Variants in ETV5 observed in about 807,000 individuals in gnomAD.
The protein encoded by ETV5 is ETS variant transcription factor 5.
In ETV5, 10 loss-of-function variants were observed where a neutral mutation model predicts 70.0. That is an observed-to-expected ratio of 0.14 (90% CI 0.09 to 0.24). The LOEUF (loss-of-function observed/expected upper bound fraction) is 0.24, where lower values mean the gene tolerates loss of function less well. Ranked by LOEUF, ETV5 falls within the 10% of genes least tolerant of loss-of-function variation. The pLI is 1.00. For missense variants in ETV5, 453 were observed against 651.2 expected (o/e 0.70, Z 3.31); for synonymous variants, 216 against 242.2 (o/e 0.89, Z 1.01).
chr3:186,080,899 A>T, intron 6 of ETV5, 147 bp downstream of exon 6: 1 of 931,146 alleles, frequency 1.1e-6, no homozygotes, highest in Non-Finnish European at 1.6e-6. Flanking sequence ...ACTGGACTAC[A>T]CCCGGAGGAT....
At chr3:186,061,780 A>C (rs759063727) in intron 9 of ETV5, among the ~76,000 whole-genome samples, 5 of 152,198 alleles carry the variant, frequency 3.3e-5, no homozygotes, top group Non-Finnish European at 5.9e-5. Flanking sequence ...CCTTTCCATC[A>C]AATGAGCCCA....
rs761369510 is a variant in ETV5 at position 186,052,363 on chromosome 3, T to C, written c.1210-232A>G. Among the ~76,000 whole-genome samples the C allele has an allele frequency of 1.9e-4, 29 of 152,216 alleles. No homozygotes were observed. The highest frequency in any genetic ancestry group is 3.2e-4 in the Non-Finnish European group (22 of 68,036). On this transcript the variant is annotated intron_variant, in intron 11 of 12. Coordinates refer to ENST00000306376, the MANE Select transcript of ETV5 (RefSeq NM_004454.3). The surrounding 1 kb of genome is among the most constrained non-coding windows in gnomAD (Gnocchi z 4.5). ...TAGAGATGGAAGAATCCTAGCACTT[T>C]AAGATTGCAGAGGGCTTGGCTAACA... is the stretch of plus-strand genomic sequence containing the variant.
intron 7 of ETV5, among the ~76,000 whole-genome samples, chr3:186,070,670 T>G (rs560201531): frequency 6.6e-6 from 1 of 152,390 alleles, no homozygotes. Context: ...GTGAAGTCAT[T>G]CAGTCCTTGT....
chr3:186,064,653 T>G (rs1200379415), intron 8 of ETV5, 177 bp from the exon 9 acceptor site: 5 of 607,802 alleles, frequency 8.2e-6, no homozygotes, highest in Non-Finnish European at 1.5e-5. Context: ...GCAAACACCA[T>G]AACCCACCAG....
chr3:186,085,752 C>T (rs1211638177), intron 5 of ETV5, among the ~76,000 whole-genome samples: 5 of 152,084 alleles, frequency 3.3e-5, no homozygotes, highest in Non-Finnish European at 7.4e-5. Context: ...TCAGGTGATC[C>T]GCCTGCCTCG....
intron 5 of ETV5, among the ~76,000 whole-genome samples, chr3:186,092,715 T>G (rs1714211445): frequency 6.6e-6 from 1 of 152,252 alleles, no homozygotes; most frequent in Admixed American, 6.5e-5. Flanking sequence ...ATTACAGGCT[T>G]GAGCCGCTGC....
At chr3:186,084,231 T>C (rs1332820023) in intron 5 of ETV5, 1 of 446,204 alleles carries the variant, frequency 2.2e-6, no homozygotes, top group South Asian at 1.6e-5. Context: ...TGGCAACAAA[T>C]TGGAATTGAA....
intron 5 of ETV5, among the ~76,000 whole-genome samples, chr3:186,082,663 C>A (rs1367298963): frequency 6.6e-6 from 1 of 152,214 alleles, no homozygotes; most frequent in Non-Finnish European, 1.5e-5. Flanking sequence ...TTGTGATCCA[C>A]CCACCTTGGC....
intron 7 of ETV5, chr3:186,078,940 G>A (rs952513906): frequency 1.3e-5 from 6 of 454,196 alleles, no homozygotes; most frequent in African/African-American, 1.2e-4. Context: ...GACCAGGCCT[G>A]GGAAAGGTAT....
At chr3:186,078,636 G>T (rs533972519) in intron 7 of ETV5, among the ~76,000 whole-genome samples, 1 of 152,034 alleles carries the variant, frequency 6.6e-6, no homozygotes, top group Non-Finnish European at 1.5e-5. Flanking sequence ...AAAGCTCAGC[G>T]GCAGCTGTGT....
At chr3:186,079,352 A>G (rs184653688) in intron 7 of ETV5, 197 of 230,584 alleles carry the variant, frequency 8.5e-4, no homozygotes, top group Admixed American at 2.4e-3. Context: ...GTCCTTAGCT[A>G]ATCTCCTACT....
At chr3:186,101,368 A>C (rs943286486) in intron 5 of ETV5, among the ~76,000 whole-genome samples, 5 of 152,038 alleles carry the variant, frequency 3.3e-5, no homozygotes, top group Non-Finnish European at 7.4e-5. Flanking sequence ...TTCAACTGTA[A>C]CCTCGAACTC....
At chr3:186,069,693 C>T (rs1032249064) in intron 7 of ETV5, among the ~76,000 whole-genome samples, 2 of 152,166 alleles carry the variant, frequency 1.3e-5, no homozygotes, top group African/African-American at 4.8e-5. Context: ...AACGGGGTTT[C>T]ACCATGTTGG....
rs1713274925 is a variant in ETV5 at position 186,060,350 on chromosome 3, G to A, written c.971-2859C>T. On this transcript the variant is annotated intron_variant, in intron 9 of 12. Transcript: ENST00000306376. ...GTGGTTTCTAGTCATCGCCACATGT[G>A]GTCCTCTACACCATCTGGAAGATAC... 3.3e-5 allele frequency among the ~76,000 whole-genome samples: 5 copies of A among 152,252 alleles called. No individual in the cohort carries two copies. In the South Asian group the frequency reaches 1.0e-3, roughly 32 times the overall value.
chr3:186,050,277 C>A (rs999981402), intron 12 of ETV5, among the ~76,000 whole-genome samples: 5 of 152,116 alleles, frequency 3.3e-5, no homozygotes, highest in African/African-American at 1.2e-4. Flanking sequence ...ATTCCTGGGC[C>A]TTCCTGTACT....
At chr3:186,059,545 T>C (rs1713255385) in intron 9 of ETV5, among the ~76,000 whole-genome samples, 2 of 152,236 alleles carry the variant, frequency 1.3e-5, no homozygotes, top group African/African-American at 2.4e-5. Context: ...TCCTACCTTA[T>C]GGTGTTGTTA....
intron 5 of ETV5, among the ~76,000 whole-genome samples, chr3:186,098,750 TC>T (rs1714375170): frequency 6.6e-6 from 1 of 152,210 alleles, no homozygotes; most frequent in African/African-American, 2.4e-5. Context: ...AAAGCATACT[TC>T]TTTATGAAAA....
chr3:186,092,525 T>C (rs1429539234), intron 5 of ETV5, among the ~76,000 whole-genome samples: 2 of 152,062 alleles, frequency 1.3e-5, no homozygotes, highest in Non-Finnish European at 2.9e-5. Context: ...TCTCAACTTC[T>C]GGACTCAAGC....
chr3:186,100,461 A>G (rs1714426229), intron 5 of ETV5, among the ~76,000 whole-genome samples: 1 of 152,242 alleles, frequency 6.6e-6, no homozygotes, highest in South Asian at 2.1e-4. Flanking sequence ...AAGGAAAGGC[A>G]CTGCCTCTAC....
Sources: gnomAD v4.1 joint callset for allele counts (sites outside exome capture counted in the v4.1 genomes callset) on GRCh38, gnomAD v4.1.1 for gene constraint, Gnocchi (gnomAD v3.1) non-coding constraint, MANE v1.5 for transcripts, NCBI Gene and HGNC (gene_info 2026-07-23, HGNC 2026-07-21) for gene names.